Variants in MIPOL1 observed in about 807,000 individuals in gnomAD.
MIPOL1 encodes the protein mirror-image polydactyly gene 1 protein.
In MIPOL1, 57 loss-of-function variants were observed where a neutral mutation model predicts 60.9. The observed-to-expected ratio is 0.94, with a 90% CI of 0.76 to 1.17. The LOEUF (loss-of-function observed/expected upper bound fraction) is 1.17, where lower values mean the gene tolerates loss of function less well. MIPOL1 is among the 50% of genes most tolerant of loss of function. The probability of loss-of-function intolerance (pLI) is 0.00; values close to 1 mark genes in which losing one functional copy is unlikely to be tolerated. For synonymous variants in MIPOL1, 179 were observed against 168.8 expected (o/e 1.06, Z -0.47); for missense variants, 551 against 511.6 (o/e 1.08, Z -0.74).
intron 10 of MIPOL1, chr14:37,399,822 G>C (rs1386677683): frequency 2.0e-5 from 3 of 152,058 alleles, no homozygotes; most frequent in Non-Finnish European, 4.4e-5. Context: ...CACCAGTATT[G>C]GTTTTAGCTC....
At chr14:37,285,813 C>T (rs866577788) in intron 7 of MIPOL1, among the ~76,000 whole-genome samples, 18 of 152,030 alleles carry the variant, frequency 1.2e-4, no homozygotes, top group East Asian at 3.9e-4. Flanking sequence ...AGGATGGTCT[C>T]GAACTCCTGA....
chr14:37,543,157 T>G (rs2095536013), intron 12 of MIPOL1, among the ~76,000 whole-genome samples: 1 of 152,214 alleles, frequency 6.6e-6, no homozygotes, highest in Non-Finnish European at 1.5e-5. Flanking sequence ...CATGAAGTGC[T>G]TTGGATCCCA....
chr14:37,386,233 T>C (rs889467543), intron 10 of MIPOL1, among the ~76,000 whole-genome samples: 3 of 152,020 alleles, frequency 2.0e-5, no homozygotes, highest in African/African-American at 7.2e-5. Flanking sequence ...GCTATGATAT[T>C]TTAGTTTAAT....
rs371935108 is a variant in MIPOL1 at position 37,523,402 on chromosome 14, T to TA, written c.1262+23265dup. On this transcript the variant is annotated intron_variant, in intron 12 of 12. Transcript: ENST00000684589. ...AAATTTAAACACAAATCATTACAGATATCCCAGGAAGTAAATAGATGAGTT... is the reference window on the plus strand; with the variant it reads ...AAATTTAAACACAAATCATTACAGATAATCCCAGGAAGTAAATAGATGAGTT... 1.3e-3 allele frequency: 462 copies of TA among 353,610 alleles called. 6 individuals are homozygous for TA. Among genetic ancestry groups the TA allele is most frequent in the African/African-American group, 9.3e-3 (447 of 47,942 alleles). The allele number at this position is 353,610 out of a possible 1,614,324, so 21.9% of individuals were successfully genotyped here. A position where few individuals can be genotyped will look rare whatever the true frequency, so the allele number is the denominator to read the frequency against.
intron 12 of MIPOL1, among the ~76,000 whole-genome samples, chr14:37,527,789 T>C (rs2095456825): frequency 6.6e-6 from 1 of 152,190 alleles, no homozygotes; most frequent in East Asian, 1.9e-4. Flanking sequence ...ATACCACATG[T>C]CCCCTTAATT....
intron 9 of MIPOL1, among the ~76,000 whole-genome samples, chr14:37,327,170 G>A (rs1313998907): frequency 1.3e-5 from 2 of 152,176 alleles, no homozygotes; most frequent in East Asian, 3.9e-4. Context: ...GGAGATAGAA[G>A]GTTGGATTTA....
chr14:37,465,721 G>A (rs890718445), intron 11 of MIPOL1, among the ~76,000 whole-genome samples: 11 of 151,910 alleles, frequency 7.2e-5, no homozygotes, highest in Non-Finnish European at 1.5e-4. Context: ...TTCCCACCTC[G>A]TAAGTCAGTC....
intron 3 of MIPOL1, among the ~76,000 whole-genome samples, chr14:37,262,258 T>C (rs941514951): frequency 6.6e-6 from 1 of 151,998 alleles, no homozygotes; most frequent in Non-Finnish European, 1.5e-5. Flanking sequence ...TAGAAGTCAT[T>C]GGGAGCAATC....
intron 12 of MIPOL1, among the ~76,000 whole-genome samples, chr14:37,527,084 GT>G (rs2095452682): frequency 2.6e-5 from 4 of 151,556 alleles, no homozygotes; most frequent in African/African-American, 9.7e-5. Flanking sequence ...TTCCTGACCG[GT>G]TCCCATTTTT....
At chr14:37,353,399 A>G (rs1444956493) in intron 9 of MIPOL1, among the ~76,000 whole-genome samples, 1 of 144,008 alleles carries the variant, frequency 6.9e-6, no homozygotes, top group Non-Finnish European at 1.5e-5. Flanking sequence ...TGGCTTTGGT[A>G]TCAGAATGAT....
intron 11 of MIPOL1, among the ~76,000 whole-genome samples, chr14:37,468,809 C>T (rs543421725): frequency 1.3e-5 from 2 of 152,064 alleles, no homozygotes; most frequent in Non-Finnish European, 2.9e-5. Flanking sequence ...TGGAGACTCT[C>T]CTATCCAAGC....
intron 9 of MIPOL1, among the ~76,000 whole-genome samples, chr14:37,351,430 G>A (rs1595317650): frequency 6.6e-6 from 1 of 151,712 alleles, no homozygotes; most frequent in East Asian, 2.0e-4. Flanking sequence ...ACCCAGTAAT[G>A]GGATGGCTGG....
chr14:37,371,831 A>C (rs550687241), intron 10 of MIPOL1, among the ~76,000 whole-genome samples: 4 of 152,150 alleles, frequency 2.6e-5, no homozygotes, highest in Admixed American at 1.3e-4. Context: ...TTGATGCATT[A>C]ATTATAGCAC....
At chr14:37,403,376 G>A (rs2093525321) in intron 10 of MIPOL1, among the ~76,000 whole-genome samples, 1 of 143,330 alleles carries the variant, frequency 7.0e-6, no homozygotes, top group Non-Finnish European at 1.5e-5. Flanking sequence ...TGTAAATGTT[G>A]AAATTTCTAC....
chr14:37,333,319 C>T (rs1387431314), intron 9 of MIPOL1, among the ~76,000 whole-genome samples: 1 of 151,992 alleles, frequency 6.6e-6, no homozygotes, highest in Non-Finnish European at 1.5e-5. Context: ...GATATTTATA[C>T]ATTACACAGT....
chr14:37,377,880 A>G (rs965672171), intron 10 of MIPOL1, among the ~76,000 whole-genome samples: 1 of 151,770 alleles, frequency 6.6e-6, no homozygotes, highest in African/African-American at 2.4e-5. Flanking sequence ...TTACTGAAGC[A>G]GAATGTTTGA....
intron 7 of MIPOL1, among the ~76,000 whole-genome samples, chr14:37,297,108 T>C (rs191638039): frequency 3.9e-5 from 6 of 152,320 alleles, no homozygotes; most frequent in African/African-American, 1.2e-4. Flanking sequence ...TTATCCACCA[T>C]GATCAAGTGG....
At chr14:37,388,999 CAG>C (rs1373425698) in intron 10 of MIPOL1, among the ~76,000 whole-genome samples, 4 of 151,990 alleles carry the variant, frequency 2.6e-5, no homozygotes, top group Non-Finnish European at 5.9e-5. Flanking sequence ...AAAATAAAAA[CAG>C]AAATTCTAGA....
At chr14:37,232,517 A>G (rs995757669) in intron 1 of MIPOL1, among the ~76,000 whole-genome samples, 1 of 152,162 alleles carries the variant, frequency 6.6e-6, no homozygotes, top group African/African-American at 2.4e-5. Flanking sequence ...TTGCAACTAT[A>G]TCTCTTCACA....
Sources: allele counts gnomAD v4.1 joint callset (sites outside exome capture counted in the v4.1 genomes callset), GRCh38; gene constraint gnomAD v4.1.1; transcripts MANE v1.5; gene names NCBI Gene and HGNC (gene_info 2026-07-23, HGNC 2026-07-21).